Variants in PIEZO2 observed in about 807,000 individuals in gnomAD.
PIEZO2 encodes piezo type mechanosensitive ion channel component 2.
PIEZO2 carries 172 observed loss-of-function variants against 337.3 expected under a neutral mutation model. That is an observed-to-expected ratio of 0.51 (90% CI 0.45 to 0.58). PIEZO2 has a LOEUF of 0.58. Ranked by LOEUF, PIEZO2 falls within the 20% of genes least tolerant of loss-of-function variation. The pLI is 0.00. For missense variants in PIEZO2, 3,028 were observed against 3,391.3 expected (o/e 0.89, Z 2.66); for synonymous variants, 1,251 against 1,228.5 (o/e 1.02, Z -0.38).
Position 11,070,662 on chromosome 18 carries a change from G to A in PIEZO2, c.65-4440C>T, listed in dbSNP as rs1277492357. ...ACTGCCGGTAAGGATGTCCTTGCAG[G>A]CCCTCGCAGAAGGGCTTCAGCCCAG... On this transcript the variant is annotated intron_variant, in intron 1 of 55. Coordinates refer to ENST00000674853, the MANE Select transcript of PIEZO2 (RefSeq NM_001378183.1). The surrounding 1 kb of genome is among the most constrained non-coding windows in gnomAD (Gnocchi z 4.3). Among the ~76,000 whole-genome samples, 1 of 152,228 alleles carries A rather than the reference G, an allele frequency of 6.6e-6. No homozygotes were observed. Among genetic ancestry groups the A allele is most frequent in the Non-Finnish European group, 1.5e-5 (1 of 68,042 alleles).
rs1219559529 is a variant in PIEZO2, at chr18:10,853,080, C to T, written c.917+2273G>A. On this transcript the variant is annotated intron_variant, in intron 7 of 55. Transcript: ENST00000674853. This position sits in a 1 kb window ranked among gnomAD's most constrained non-coding sequence, Gnocchi z 4.2. The stretch of plus-strand genomic sequence containing the variant: ...GTAAAATGGCGGAGTTTAACTGGTA[C>T]ATGACCTTGTAGGAGCATTCGGTGA... Among the ~76,000 whole-genome samples, 3 of 152,164 alleles carry T rather than the reference C, an allele frequency of 2.0e-5. No individual in the cohort carries two copies. The highest frequency in any genetic ancestry group is 4.4e-5 in the Non-Finnish European group (3 of 68,042).
chr18:10,693,583 G>T (rs1001324484), intron 47 of PIEZO2, among the ~76,000 whole-genome samples: 1 of 151,560 alleles, frequency 6.6e-6, no homozygotes, highest in East Asian at 1.9e-4. Context: ...GGCTGGTCTG[G>T]TATCTAACTC....
In PIEZO2 at chr18:10,784,619, G is replaced by C. The variant is rs2039149227; in HGVS notation, c.2492+165C>G. On this transcript the variant is annotated intron_variant, in intron 17 of 55. Coordinates refer to ENST00000674853, the MANE Select transcript of PIEZO2 (RefSeq NM_001378183.1). This position sits in a 1 kb window ranked among gnomAD's most constrained non-coding sequence, Gnocchi z 4.5. ...ACCCATTGTTTCAGAACGTGTCACA[G>C]AATCTTCCACATGTTTTCCTCTTTT... Among the ~76,000 whole-genome samples, 1 of 152,114 alleles carries C rather than the reference G, an allele frequency of 6.6e-6. No homozygotes were observed. Among genetic ancestry groups the C allele is most frequent in the Non-Finnish European group, 1.5e-5 (1 of 68,042 alleles).
At chr18:11,121,640 G>A (rs182909435) in intron 1 of PIEZO2, among the ~76,000 whole-genome samples, 11 of 152,260 alleles carry the variant, frequency 7.2e-5, no homozygotes, top group Admixed American at 2.0e-4. Context: ...CAGTAAGTCC[G>A]GTGCTCCCCA....
intron 3 of PIEZO2, among the ~76,000 whole-genome samples, chr18:10,946,798 A>G (rs1166959828): frequency 1.3e-5 from 2 of 152,206 alleles, no homozygotes; most frequent in African/African-American, 4.8e-5. Context: ...CAAAACACCT[A>G]TGATAGATAC....
chr18:10,910,020 A>G (rs556803711), intron 4 of PIEZO2, among the ~76,000 whole-genome samples: 4 of 152,352 alleles, frequency 2.6e-5, no homozygotes, highest in Admixed American at 2.6e-4. Context: ...CTTTATTGCT[A>G]CAGGAGAAAC....
chr18:10,848,802 A>C (rs2041444735), intron 7 of PIEZO2, among the ~76,000 whole-genome samples: 1 of 152,234 alleles, frequency 6.6e-6, no homozygotes, highest in South Asian at 2.1e-4. Flanking sequence ...CTAAATGTTC[A>C]TTAGTAGGAT....
At chr18:10,690,899 G>A (rs1030211502) in intron 48 of PIEZO2, among the ~76,000 whole-genome samples, 8 of 152,186 alleles carry the variant, frequency 5.3e-5, no homozygotes, top group Non-Finnish European at 1.0e-4. Context: ...GGCTCCACAT[G>A]CTGTGTTCTT....
At position 10,672,026 on chromosome 18, in the gene PIEZO2, C is replaced by T. The variant is rs1160966495; in HGVS notation, c.8346-247G>A. Among the ~76,000 whole-genome samples, 1 of 152,146 alleles carries T rather than the reference C, an allele frequency of 6.6e-6. No homozygotes were observed. Among genetic ancestry groups the T allele is most frequent in the Non-Finnish European group, 1.5e-5 (1 of 68,042 alleles). On this transcript the variant is annotated intron_variant, in intron 55 of 55. Coordinates refer to ENST00000674853, the MANE Select transcript of PIEZO2 (RefSeq NM_001378183.1). The surrounding 1 kb of genome is among the most constrained non-coding windows in gnomAD (Gnocchi z 4.7). ...AAAATGAAAGTCCTTTACAATCTCA[C>T]ATTCTGTAAATAATCAATGCTAACC... is the stretch of plus-strand genomic sequence containing the variant.
rs192549805 is a variant in PIEZO2, at chr18:10,748,108, G to A, written c.4424+363C>T. 6.6e-6 allele frequency among the ~76,000 whole-genome samples: 1 copy of A among 152,188 alleles called. No homozygotes were observed. Among genetic ancestry groups the A allele is most frequent in the African/African-American group, 2.4e-5 (1 of 41,452 alleles). ...TCAGAGAAGAAAAGCAGGTTAGTAG[G>A]GGGAGGTAGGTGTAAGATGGACTAA... is the stretch of plus-strand genomic sequence containing the variant. On this transcript the variant is annotated intron_variant, in intron 30 of 55. Transcript: ENST00000674853. The surrounding 1 kb of genome is among the most constrained non-coding windows in gnomAD (Gnocchi z 5.1).
At chr18:11,062,106 A>G (rs556973286) in intron 2 of PIEZO2, among the ~76,000 whole-genome samples, 1 of 152,182 alleles carries the variant, frequency 6.6e-6, no homozygotes, top group African/African-American at 2.4e-5. Flanking sequence ...ATAATGCCGC[A>G]TACCTACAAC....
At chr18:10,804,241 G>T (rs747082065) in intron 8 of PIEZO2, among the ~76,000 whole-genome samples, 17 of 152,228 alleles carry the variant, frequency 1.1e-4, no homozygotes, top group Non-Finnish European at 1.8e-4. Flanking sequence ...ATGCTCCATT[G>T]TTAAATATCC....
At chr18:11,089,004 G>A (rs1168593140) in intron 1 of PIEZO2, among the ~76,000 whole-genome samples, 1 of 152,202 alleles carries the variant, frequency 6.6e-6, no homozygotes, top group East Asian at 1.9e-4. Context: ...CACTTTTCTA[G>A]TGTACTGTTT....
In PIEZO2 at chr18:10,815,968, C is replaced by T. The variant is rs1029872375; in HGVS notation, c.918-8694G>A. On this transcript the variant is annotated intron_variant, in intron 7 of 55. Transcript: ENST00000674853. This position sits in a 1 kb window ranked among gnomAD's most constrained non-coding sequence, Gnocchi z 4.1. ...CAGTGGAGTGGAAACATCATCAGTG[C>T]AATAAAAACTCCCATTTGGAGAAAG... 6.6e-5 allele frequency among the ~76,000 whole-genome samples: 10 copies of T among 152,112 alleles called. No homozygotes were observed. The highest frequency in any genetic ancestry group is 2.2e-4 in the African/African-American group (9 of 41,420).
Position 11,105,831 on chromosome 18 carries a change from C to T in PIEZO2, c.65-39609G>A, listed in dbSNP as rs1049646270. ...AACCAGCAGCACATTTACATTGATC[C>T]TCTCCAGGAAAGATCAGTGGCTTAA... On this transcript the variant is annotated intron_variant, in intron 1 of 55. Coordinates refer to ENST00000674853, the MANE Select transcript of PIEZO2 (RefSeq NM_001378183.1). This position sits in a 1 kb window ranked among gnomAD's most constrained non-coding sequence, Gnocchi z 4.3. Among the ~76,000 whole-genome samples the T allele has an allele frequency of 2.0e-5, 3 of 152,134 alleles. No individual in the cohort carries two copies. The highest frequency in any genetic ancestry group is 2.1e-4 in the South Asian group (1 of 4,820).
At chr18:10,744,518 G>A (rs531493026) in intron 30 of PIEZO2, among the ~76,000 whole-genome samples, 16 of 152,078 alleles carry the variant, frequency 1.1e-4, no homozygotes, top group Admixed American at 4.6e-4. Context: ...TGACACCCAC[G>A]AGCCTCTTCA....
chr18:10,715,947 C>G (rs2035995091), intron 37 of PIEZO2, 131 bp from the exon 38 acceptor site: 1 of 711,446 alleles, frequency 1.4e-6, no homozygotes, highest in Admixed American at 2.9e-5. Flanking sequence ...GCATGTGACT[C>G]AGATACTCAT....
chr18:10,681,009 T>C (rs1193481761), intron 51 of PIEZO2, among the ~76,000 whole-genome samples: 2 of 152,200 alleles, frequency 1.3e-5, no homozygotes, highest in Admixed American at 6.5e-5. Flanking sequence ...GTATTTCTTA[T>C]TTTTTGTAAT....
At chr18:11,121,985 G>A (rs1432064506) in intron 1 of PIEZO2, among the ~76,000 whole-genome samples, 4 of 151,706 alleles carry the variant, frequency 2.6e-5, no homozygotes, top group African/African-American at 9.7e-5. Flanking sequence ...ATGGAGTCTT[G>A]CTCTGTCACC....
Sources: gnomAD v4.1 joint callset for allele counts (sites outside exome capture counted in the v4.1 genomes callset) on GRCh38, gnomAD v4.1.1 for gene constraint, Gnocchi (gnomAD v3.1) non-coding constraint, MANE v1.5 for transcripts, NCBI Gene and HGNC (gene_info 2026-07-23, HGNC 2026-07-21) for gene names.